Variants in ZDHHC14 observed in about 807,000 individuals in gnomAD.
ZDHHC14 encodes zDHHC palmitoyltransferase 14.
In ZDHHC14, 16 loss-of-function variants were observed where a neutral mutation model predicts 47.7. That is an observed-to-expected ratio of 0.34 (90% confidence interval 0.23 to 0.51). The LOEUF is 0.51. ZDHHC14 is among the 20% of genes least tolerant of loss of function. The pLI, the probability that ZDHHC14 is intolerant of heterozygous loss-of-function variation, is 0.97. For synonymous variants in ZDHHC14, 293 were observed against 278.9 expected, an observed-to-expected ratio of 1.05 and a Z score of -0.50; for missense variants, 515 against 662.5, an observed-to-expected ratio of 0.78 and a Z score of 2.44.
At chr6:157,620,405 T>A (rs1368787294) in intron 3 of ZDHHC14, among the ~76,000 whole-genome samples, 2 of 152,162 alleles carry the variant, frequency 1.3e-5, no homozygotes, top group African/African-American at 4.8e-5. Context: ...ACAGCTACAG[T>A]GTGGATTAAG....
chr6:157,547,115 G>A (rs1422751189), intron 2 of ZDHHC14, among the ~76,000 whole-genome samples: 2 of 152,348 alleles, frequency 1.3e-5, no homozygotes, highest in East Asian at 1.9e-4. Flanking sequence ...CCTCCACTCT[G>A]TACATGTTGC....
intron 1 of ZDHHC14, among the ~76,000 whole-genome samples, chr6:157,430,811 C>T (rs549351658): frequency 6.6e-6 from 1 of 152,316 alleles, no homozygotes; most frequent in South Asian, 2.1e-4. Flanking sequence ...CACTGGTGGC[C>T]CTGCCAAGGC....
At chr6:157,483,079 A>G (rs531446090) in intron 1 of ZDHHC14, among the ~76,000 whole-genome samples, 1 of 152,302 alleles carries the variant, frequency 6.6e-6, no homozygotes, top group East Asian at 1.9e-4. Context: ...GCAAGATGTG[A>G]TAGCATGCCA....
At chr6:157,652,850 ACTCTGCC>A (rs566227623) in intron 7 of ZDHHC14, among the ~76,000 whole-genome samples, 199 of 151,902 alleles carry the variant, frequency 1.3e-3, no homozygotes, top group African/African-American at 4.6e-3. Flanking sequence ...CAAGATGAAG[ACTCTGCC>A]CTTGGGAGCT....
intron 1 of ZDHHC14, among the ~76,000 whole-genome samples, chr6:157,494,918 T>G (rs760621637): frequency 7.2e-5 from 11 of 152,152 alleles, no homozygotes; most frequent in Admixed American, 1.3e-4. Context: ...GAAAGTCTCT[T>G]CTTGTCTCAA....
chr6:157,540,884 A>ATGTGTGTG (rs761747961), intron 1 of ZDHHC14, among the ~76,000 whole-genome samples: 2,235 of 117,224 alleles, frequency 0.019, 26 homozygotes, highest in Non-Finnish European at 0.02. Flanking sequence ...ATATATATGT[A>ATGTGTGTG]TGTATGTGTG....
chr6:157,557,933 C>T (rs571140313), intron 2 of ZDHHC14, among the ~76,000 whole-genome samples: 5 of 152,212 alleles, frequency 3.3e-5, no homozygotes, highest in Admixed American at 1.3e-4. Context: ...GCCAAGCCAG[C>T]GCTGTCCAGT....
intron 1 of ZDHHC14, among the ~76,000 whole-genome samples, chr6:157,518,992 G>T (rs1020586614): frequency 6.6e-6 from 1 of 152,172 alleles, no homozygotes; most frequent in African/African-American, 2.4e-5. Context: ...GCTGACAGTT[G>T]CCCCTGTTAC....
At chr6:157,663,736 C>T (rs1050500543) in intron 8 of ZDHHC14, among the ~76,000 whole-genome samples, 3 of 152,256 alleles carry the variant, frequency 2.0e-5, no homozygotes, top group African/African-American at 4.8e-5. Context: ...TGCTCTTTCC[C>T]GACTCTCCTC....
In ZDHHC14 at chr6:157,641,290, A is replaced by G. The variant is rs781580183; in HGVS notation, c.753-4447A>G. 6.6e-5 allele frequency among the ~76,000 whole-genome samples: 10 copies of G among 152,212 alleles called. 1 individual carries two copies. Among genetic ancestry groups the G allele is most frequent in the Non-Finnish European group, 5.9e-5 (4 of 68,042 alleles). ...CCATCTCTGAGTTGAAGGGAAGCAC[A>G]TTTAAATGTCGATAGGGATGCCAAA... On this transcript the variant is annotated intron_variant, in intron 5 of 8. Coordinates refer to ENST00000359775, the MANE Select transcript of ZDHHC14 (RefSeq NM_024630.3).
intron 2 of ZDHHC14, among the ~76,000 whole-genome samples, chr6:157,590,785 A>G (rs946740391): frequency 6.6e-6 from 1 of 152,200 alleles, no homozygotes. Flanking sequence ...ATCCACTGAC[A>G]TCTTGCACTG....
At chr6:157,634,345 T>G (rs1345346705) in intron 5 of ZDHHC14, among the ~76,000 whole-genome samples, 1 of 152,184 alleles carries the variant, frequency 6.6e-6, no homozygotes, top group African/African-American at 2.4e-5. Context: ...AGAAGTTGAC[T>G]GGAAGGAAAG....
intron 1 of ZDHHC14, among the ~76,000 whole-genome samples, chr6:157,530,734 TATG>T (rs1476412526): frequency 6.6e-6 from 1 of 152,240 alleles, no homozygotes; most frequent in Non-Finnish European, 1.5e-5. Flanking sequence ...TTTTTCAAAT[TATG>T]ATGTCTCTGC....
At chr6:157,515,690 C>T (rs138888520) in intron 1 of ZDHHC14, among the ~76,000 whole-genome samples, 4,185 of 151,910 alleles carry the variant, frequency 0.028, 169 homozygotes, top group African/African-American at 0.095. Flanking sequence ...TGGTCTCGAT[C>T]TCCTGACCTC....
intron 1 of ZDHHC14, among the ~76,000 whole-genome samples, chr6:157,462,891 G>C (rs1583667883): frequency 6.6e-6 from 1 of 152,210 alleles, no homozygotes; most frequent in Admixed American, 6.5e-5. Context: ...ATGTTGTGTC[G>C]AACAGTACAG....
At chr6:157,500,971 G>A (rs771771920) in intron 1 of ZDHHC14, among the ~76,000 whole-genome samples, 4 of 152,260 alleles carry the variant, frequency 2.6e-5, no homozygotes, top group East Asian at 1.9e-4. Flanking sequence ...ACCCATCATC[G>A]TGGGCACGTT....
At chr6:157,544,896 T>G (rs1288771185) in intron 2 of ZDHHC14, among the ~76,000 whole-genome samples, 1 of 152,228 alleles carries the variant, frequency 6.6e-6, no homozygotes, top group Non-Finnish European at 1.5e-5. Context: ...CTCCTAGATA[T>G]GTCCACACAA....
chr6:157,520,032 G>A (rs1414892778), intron 1 of ZDHHC14, among the ~76,000 whole-genome samples: 1 of 152,208 alleles, frequency 6.6e-6, no homozygotes, highest in East Asian at 1.9e-4. Flanking sequence ...CTGAGCTGAA[G>A]GGAAGAGAAG....
intron 7 of ZDHHC14, among the ~76,000 whole-genome samples, chr6:157,653,072 G>C (rs1369480242): frequency 2.0e-5 from 3 of 152,204 alleles, no homozygotes; most frequent in African/African-American, 7.2e-5. Context: ...TGCTGGCGGG[G>C]CTGTGGCTCT....
Sources: gnomAD v4.1 joint callset for allele counts (sites outside exome capture counted in the v4.1 genomes callset) on GRCh38, gnomAD v4.1.1 for gene constraint, MANE v1.5 for transcripts, NCBI Gene and HGNC (gene_info 2026-07-23, HGNC 2026-07-21) for gene names.